Variants in TAFA5 observed in about 807,000 individuals in gnomAD.
TAFA5 encodes TAFA chemokine like family member 5, also known as chemokine-like protein TAFA-5.
TAFA5 carries 6 observed loss-of-function variants against 15.3 expected under a neutral mutation model. The ratio of observed to expected loss-of-function variants is 0.39; its 90% CI spans 0.21 to 0.77. TAFA5 has a LOEUF of 0.77. Ranked by LOEUF, TAFA5 falls within the 30% of genes least tolerant of loss-of-function variation. The probability of loss-of-function intolerance (pLI) is 0.41; values close to 1 mark genes in which losing one functional copy is unlikely to be tolerated. For missense variants in TAFA5, 161 were observed against 193.1 expected (o/e 0.83, Z 0.98); for synonymous variants, 103 against 80.7 (o/e 1.28, Z -1.48).
chr22:48,525,944 C>T (rs1444416527), intron 1 of TAFA5, among the ~76,000 whole-genome samples: 1 of 152,224 alleles, frequency 6.6e-6, no homozygotes, highest in African/African-American at 2.4e-5. Context: ...GCTGCCCTGC[C>T]TCCCAGATCG....
intron 1 of TAFA5, among the ~76,000 whole-genome samples, chr22:48,571,574 G>GTTTTGT (rs1923586979): frequency 0.012 from 343 of 29,324 alleles, 5 homozygotes; most frequent in Non-Finnish European, 0.017. Flanking sequence ...TGCCTGGCCT[G>GTTTTGT]TTTTTTTTTT....
At chr22:48,703,550 C>T (rs1928982584) in intron 2 of TAFA5, among the ~76,000 whole-genome samples, 1 of 152,228 alleles carries the variant, frequency 6.6e-6, no homozygotes, top group Admixed American at 6.5e-5. Flanking sequence ...TGCATCCTAG[C>T]CTGACCGAGA....
intron 3 of TAFA5, among the ~76,000 whole-genome samples, chr22:48,723,148 C>A (rs952223536): frequency 3.3e-4 from 51 of 152,268 alleles, no homozygotes; most frequent in African/African-American, 1.2e-3. Context: ...TCCAGATGTG[C>A]CTCATTCTCA....
rs76295131 is a variant in TAFA5 at position 48,519,709 on chromosome 22, G to A, written c.112+30005G>A. On this transcript the variant is annotated intron_variant, in intron 1 of 3. Transcript: ENST00000402357. ...CTTCTTGGAGCCCTGGGCTCCTCACGGGCAACTAGAGTGTTCTGAGCAGCT... is the reference window on the plus strand; with the variant it reads ...CTTCTTGGAGCCCTGGGCTCCTCACAGGCAACTAGAGTGTTCTGAGCAGCT... Among the ~76,000 whole-genome samples the A allele has an allele frequency of 3.1e-3, 476 of 152,252 alleles. 1 individual carries two copies. The highest frequency in any genetic ancestry group is 0.011 in the African/African-American group (452 of 41,530).
intron 3 of TAFA5, among the ~76,000 whole-genome samples, chr22:48,715,887 C>T (rs1444922165): frequency 6.6e-6 from 1 of 152,248 alleles, no homozygotes; most frequent in Non-Finnish European, 1.5e-5. Flanking sequence ...GGAGATTTTA[C>T]ATTTAAGTCT....
chr22:48,492,359 G>A (rs780150739), intron 1 of TAFA5, among the ~76,000 whole-genome samples: 2 of 152,142 alleles, frequency 1.3e-5, no homozygotes, highest in African/African-American at 4.8e-5. Flanking sequence ...ATCATACAGC[G>A]TTCAATTATC....
chr22:48,696,135 G>A (rs966892233), intron 2 of TAFA5, among the ~76,000 whole-genome samples: 1 of 152,202 alleles, frequency 6.6e-6, no homozygotes, highest in African/African-American at 2.4e-5. Flanking sequence ...GGTGCCATGG[G>A]AGAAGTGGCG....
intron 2 of TAFA5, among the ~76,000 whole-genome samples, chr22:48,694,875 C>T (rs1928662284): frequency 6.8e-6 from 1 of 146,518 alleles, no homozygotes; most frequent in East Asian, 2.1e-4. Flanking sequence ...CCCCACCTGC[C>T]TGTGAGCCTT....
chr22:48,518,650 C>T (rs1229630824), intron 1 of TAFA5, among the ~76,000 whole-genome samples: 1 of 152,184 alleles, frequency 6.6e-6, no homozygotes. Flanking sequence ...GGGTGCTCAG[C>T]AGGGAGGGCT....
At chr22:48,564,337 G>A (rs956111014) in intron 1 of TAFA5, among the ~76,000 whole-genome samples, 1 of 152,256 alleles carries the variant, frequency 6.6e-6, no homozygotes, top group Admixed American at 6.5e-5. Flanking sequence ...GGGCACGTTG[G>A]GTTTTCTCTG....
chr22:48,514,516 A>G (rs1921335076), intron 1 of TAFA5, among the ~76,000 whole-genome samples: 1 of 152,178 alleles, frequency 6.6e-6, no homozygotes, highest in Non-Finnish European at 1.5e-5. Context: ...CTGGCCCTCC[A>G]GAACTTGGGC....
At chr22:48,576,271 C>G (rs1223028887) in intron 1 of TAFA5, 33 of 775,004 alleles carry the variant, frequency 4.3e-5, no homozygotes, top group Non-Finnish European at 5.1e-5. Flanking sequence ...CGCGGCGCCC[C>G]CCTCCCCCCG....
rs1201959084 is a variant in TAFA5 at position 48,598,851 on chromosome 22, G to A, written c.113-47746G>A. On this transcript the variant is annotated intron_variant, in intron 1 of 3. Transcript: ENST00000402357. This position sits in a 1 kb window ranked among gnomAD's most constrained non-coding sequence, Gnocchi z 4.0. ...AGCGCCAGGTGGTACCTGTATTTCC[G>A]ACTGACTGAATATAAGTCAGGGGGT... Among the ~76,000 whole-genome samples the A allele has an allele frequency of 6.6e-5, 10 of 152,078 alleles. No homozygotes were observed. Among genetic ancestry groups the A allele is most frequent in the South Asian group, 2.1e-4 (1 of 4,816 alleles).
chr22:48,522,969 A>G (rs896115741), intron 1 of TAFA5, among the ~76,000 whole-genome samples: 1 of 152,300 alleles, frequency 6.6e-6, no homozygotes, highest in Non-Finnish European at 1.5e-5. Context: ...GGCCAGGAAT[A>G]GCTGGAAGGG....
At chr22:48,531,048 C>T (rs996894078) in intron 1 of TAFA5, among the ~76,000 whole-genome samples, 1 of 152,028 alleles carries the variant, frequency 6.6e-6, no homozygotes, top group Non-Finnish European at 1.5e-5. Flanking sequence ...GTGTGTGGAC[C>T]GTCTCAGGGA....
chr22:48,680,512 A>G (rs1928150414), intron 2 of TAFA5, among the ~76,000 whole-genome samples: 2 of 152,018 alleles, frequency 1.3e-5, no homozygotes, highest in Admixed American at 6.5e-5. Flanking sequence ...GAGAGGGGCC[A>G]CCAAGAAAGG....
At chr22:48,690,935 C>T (rs1438995864) in intron 2 of TAFA5, among the ~76,000 whole-genome samples, 1 of 151,874 alleles carries the variant, frequency 6.6e-6, no homozygotes, top group Non-Finnish European at 1.5e-5. Context: ...TGAGCTTACC[C>T]CACATCTGGA....
In TAFA5 at chr22:48,748,183, A is replaced by G. The variant is rs181169019; in HGVS notation, c.391-1656A>G. ...CCGCAGGTGAAGCAGGCAGCTAGGG[A>G]CCACACCGTTCATGCCAGCTTGTTG... On this transcript the variant is annotated intron_variant, in intron 3 of 3. Transcript: ENST00000402357. 7.2e-4 allele frequency among the ~76,000 whole-genome samples: 110 copies of G among 152,296 alleles called. No individual in the cohort carries two copies. In the East Asian group the frequency reaches 0.014, roughly 20 times the overall value.
intron 2 of TAFA5, among the ~76,000 whole-genome samples, chr22:48,674,895 G>C (rs1287992548): frequency 6.6e-6 from 1 of 151,910 alleles, no homozygotes; most frequent in Non-Finnish European, 1.5e-5. Flanking sequence ...ACGAGGCTGA[G>C]ATAGAGACTG....
Sources: gnomAD v4.1 joint callset for allele counts (sites outside exome capture counted in the v4.1 genomes callset) on GRCh38, gnomAD v4.1.1 for gene constraint, Gnocchi (gnomAD v3.1) non-coding constraint, MANE v1.5 for transcripts, NCBI Gene and HGNC (gene_info 2026-07-23, HGNC 2026-07-21) for gene names.